The following TMEM242 variants were observed in gnomAD, a reference collection of about 807,000 sequenced individuals.
The protein encoded by TMEM242 is transmembrane protein 242, also known as UPF0463 transmembrane protein C6orf35.
A neutral mutation model predicts 18.2 loss-of-function variants in TMEM242; 10 were observed. That is an observed-to-expected ratio of 0.55 (90% CI 0.34 to 0.93). The LOEUF (loss-of-function observed/expected upper bound fraction) is 0.93. TMEM242 is among the 40% of genes least tolerant of loss of function. The pLI, the probability that TMEM242 is intolerant of heterozygous loss-of-function variation, is 0.02. For synonymous variants in TMEM242, 57 were observed against 69.9 expected (o/e 0.81, Z 0.92); for missense variants, 186 against 175.5 (o/e 1.06, Z -0.34).
chr6:157,318,676 G>T, intron 3 of TMEM242, 106 bp downstream of exon 3: 1 of 1,391,294 alleles, frequency 7.2e-7, no homozygotes, highest in Non-Finnish European at 1.0e-6. Flanking sequence ...CATCTCCCTA[G>T]ACAGTGACCA....
chr6:157,302,660 C>T (rs188780337), intron 3 of TMEM242, among the ~76,000 whole-genome samples: 29 of 152,300 alleles, frequency 1.9e-4, no homozygotes, highest in African/African-American at 6.7e-4. Context: ...TATGTGACCT[C>T]CAGAGCATAT....
At chr6:157,314,489 A>T (rs1778348514) in intron 3 of TMEM242, among the ~76,000 whole-genome samples, 1 of 152,278 alleles carries the variant, frequency 6.6e-6, no homozygotes, top group African/African-American at 2.4e-5. Context: ...TAATCAAATA[A>T]TAAAATACCA....
intron 3 of TMEM242, among the ~76,000 whole-genome samples, chr6:157,303,246 G>T (rs1191559917): frequency 6.6e-6 from 1 of 152,234 alleles, no homozygotes; most frequent in African/African-American, 2.4e-5. Context: ...AGGAACTGTA[G>T]AGCTGAGTGA....
intron 3 of TMEM242, among the ~76,000 whole-genome samples, chr6:157,309,792 T>TTGTG (rs781978624): frequency 0.025 from 3,789 of 152,304 alleles, 77 homozygotes; most frequent in Middle Eastern, 0.061. Context: ...CAACTTAAAG[T>TTGTG]ACTTCACAAT....
At chr6:157,315,125 G>A (rs1480629264) in intron 3 of TMEM242, among the ~76,000 whole-genome samples, 5 of 152,168 alleles carry the variant, frequency 3.3e-5, no homozygotes, top group Non-Finnish European at 7.4e-5. Flanking sequence ...ATACAAAGAT[G>A]AGACAGTACA....
chr6:157,305,505 C>T lies in TMEM242; in HGVS notation c.328-12506G>A, dbSNP rs942138291. ...GGCACACAATATGAAGCAGAGACGCCGATCTGAAGGTCAGGGCTGGGGCTA... is the reference window on the plus strand; with the variant it reads ...GGCACACAATATGAAGCAGAGACGCTGATCTGAAGGTCAGGGCTGGGGCTA... On this transcript the variant is annotated intron_variant, in intron 3 of 3. Transcript: ENST00000400788. This position sits in a 1 kb window ranked among gnomAD's most constrained non-coding sequence, Gnocchi z 4.1. 1.3e-5 allele frequency among the ~76,000 whole-genome samples: 2 copies of T among 152,078 alleles called. No individual in the cohort carries two copies. Among genetic ancestry groups the T allele is most frequent in the Non-Finnish European group, 1.5e-5 (1 of 68,026 alleles).
At chr6:157,315,494 G>C (rs1037149560) in intron 3 of TMEM242, among the ~76,000 whole-genome samples, 6 of 152,210 alleles carry the variant, frequency 3.9e-5, no homozygotes, top group Non-Finnish European at 7.3e-5. Flanking sequence ...TATGCAGAGA[G>C]AGTGCATATG....
At chr6:157,317,099 A>G (rs587687344) in intron 3 of TMEM242, among the ~76,000 whole-genome samples, 1 of 152,308 alleles carries the variant, frequency 6.6e-6, no homozygotes, top group South Asian at 2.1e-4. Context: ...CAGCATATAC[A>G]TGCTGTTAAT....
At chr6:157,313,878 A>ATAGTGT in intron 3 of TMEM242, among the ~76,000 whole-genome samples, 1 of 151,194 alleles carries the variant, frequency 6.6e-6, no homozygotes, top group Admixed American at 6.6e-5. Context: ...TAGCCTCATC[A>ATAGTGT]CAGTGCCCCA....
chr6:157,310,546 G>A (rs797038394), intron 3 of TMEM242, among the ~76,000 whole-genome samples: 68 of 2,438 alleles, frequency 0.028, no homozygotes, highest in East Asian at 0.044. Context: ...CCCAGTGTGC[G>A]CTCACCTAGC....
intron 3 of TMEM242, among the ~76,000 whole-genome samples, chr6:157,314,001 A>C (rs1554250015): frequency 4.1e-5 from 6 of 147,164 alleles, no homozygotes; most frequent in African/African-American, 1.5e-4. Context: ...GTGTGCGCTC[A>C]CCTAGCCTCA....
At position 157,317,719 on chromosome 6, in the gene TMEM242, T is replaced by C. The variant is rs587719381; in HGVS notation, c.327+1063A>G. ...ACAAGTCAGATTGAGCTCCTGACAT[T>C]ATCTCCCAATACCTCCTTTTCTCAC... On this transcript the variant is annotated intron_variant, in intron 3 of 3. Transcript: ENST00000400788. 5.9e-5 allele frequency among the ~76,000 whole-genome samples: 9 copies of C among 152,280 alleles called. 1 individual carries two copies. The East Asian group carries it at 1.7e-3, about 29-fold the overall frequency.
At chr6:157,313,282 G>A in intron 3 of TMEM242, among the ~76,000 whole-genome samples, 2 of 138,160 alleles carry the variant, frequency 1.4e-5, no homozygotes, top group Admixed American at 1.4e-4. Flanking sequence ...GTCCCAGTGT[G>A]CGCTCATCCG....
chr6:157,309,347 T>C (rs1379164439), intron 3 of TMEM242, among the ~76,000 whole-genome samples: 2 of 152,152 alleles, frequency 1.3e-5, no homozygotes, highest in African/African-American at 4.8e-5. Flanking sequence ...TTTTTTCTGT[T>C]TTGAATAAAA....
At chr6:157,312,686 A>C in intron 3 of TMEM242, among the ~76,000 whole-genome samples, 1 of 152,080 alleles carries the variant, frequency 6.6e-6, no homozygotes, top group African/African-American at 2.4e-5. Flanking sequence ...ACCTAGCCTC[A>C]TCATAGTGTC....
Position 157,319,559 on chromosome 6 carries a change from A to G in TMEM242, c.190-640T>C, listed in dbSNP as rs587610571. Among the ~76,000 whole-genome samples the G allele has an allele frequency of 4.6e-5, 7 of 152,344 alleles. No homozygotes were observed. The East Asian group carries it at 1.2e-3, about 25-fold the overall frequency. On this transcript the variant is annotated intron_variant, in intron 2 of 3. Coordinates refer to ENST00000400788, the MANE Select transcript of TMEM242 (RefSeq NM_018452.6). ...ATTCAGGGAACTACAAAGAAAAATGAATGTCCATTCAGCATCTATTATTGC... is the reference window on the plus strand; with the variant it reads ...ATTCAGGGAACTACAAAGAAAAATGGATGTCCATTCAGCATCTATTATTGC...
At chr6:157,312,614 C>T (rs1778203550) in intron 3 of TMEM242, among the ~76,000 whole-genome samples, 1 of 147,790 alleles carries the variant, frequency 6.8e-6, no homozygotes, top group African/African-American at 2.5e-5. Context: ...ACTCACCTAG[C>T]CTCACCATAG....
chr6:157,301,758 C>T (rs1554247544), intron 3 of TMEM242, among the ~76,000 whole-genome samples: 1 of 151,970 alleles, frequency 6.6e-6, no homozygotes, highest in African/African-American at 2.4e-5. Flanking sequence ...ACAGTGAAAC[C>T]CCATTTCTAC....
chr6:157,298,626 C>A (rs190747531), intron 3 of TMEM242, among the ~76,000 whole-genome samples: 1 of 152,130 alleles, frequency 6.6e-6, no homozygotes, highest in Non-Finnish European at 1.5e-5. Flanking sequence ...AATACCTGTA[C>A]GTATATACTT....
Sources: allele counts gnomAD v4.1 joint callset (sites outside exome capture counted in the v4.1 genomes callset), GRCh38; gene constraint gnomAD v4.1.1; non-coding constraint Gnocchi (gnomAD v3.1); transcripts MANE v1.5; gene names NCBI Gene and HGNC (gene_info 2026-07-23, HGNC 2026-07-21).